The following MAK variants were observed in gnomAD, a reference collection of about 807,000 sequenced individuals.
MAK encodes the protein serine/threonine-protein kinase MAK.
In MAK, 65 loss-of-function variants were observed where a neutral mutation model predicts 82.6. The observed-to-expected ratio is 0.79, with a 90% confidence interval of 0.64 to 0.97. MAK has a LOEUF of 0.97. Among genes scored for constraint, MAK ranks in the 50% least tolerant of loss-of-function variants. The probability of loss-of-function intolerance (pLI) is 0.00; values close to 1 mark genes in which losing one functional copy is unlikely to be tolerated. For synonymous variants in MAK, 250 were observed against 274.2 expected (o/e 0.91, Z 0.87); for missense variants, 703 against 780.2 (o/e 0.90, Z 1.18).
intron 2 of MAK, among the ~76,000 whole-genome samples, chr6:10,819,388 T>G (rs780475516): frequency 6.6e-6 from 1 of 152,162 alleles, no homozygotes; most frequent in Non-Finnish European, 1.5e-5. Context: ...TCCCAGCACT[T>G]TGGGAGGTTG....
At chr6:10,771,019 G>T (rs915420349) in intron 13 of MAK, among the ~76,000 whole-genome samples, 1 of 152,118 alleles carries the variant, frequency 6.6e-6, no homozygotes, top group African/African-American at 2.4e-5. Flanking sequence ...GGGGTGCGTT[G>T]TCCATGAATA....
At chr6:10,810,146 A>G (rs1776812573) in intron 5 of MAK, among the ~76,000 whole-genome samples, 1 of 151,280 alleles carries the variant, frequency 6.6e-6, no homozygotes, top group Admixed American at 6.6e-5. Flanking sequence ...CCCAGGGGGA[A>G]AAGAACAAAC....
chr6:10,787,453 AGT>A (rs1774670681), intron 10 of MAK, among the ~76,000 whole-genome samples: 3 of 152,344 alleles, frequency 2.0e-5, no homozygotes, highest in East Asian at 3.9e-4. Context: ...AAAATTATAA[AGT>A]TTAGGCAGGA....
chr6:10,800,519 T>G lies in MAK; in HGVS notation c.831+1373A>C, dbSNP rs1385237977. On this transcript the variant is annotated intron_variant, in intron 8 of 14. Coordinates refer to ENST00000354489, the MANE Select transcript of MAK (RefSeq NM_001242957.3). This position sits in a 1 kb window ranked among gnomAD's most constrained non-coding sequence, Gnocchi z 4.2. ...TGCTTTCCTTTTGTTTCTAACAGTT[T>G]AGGGTGCTTTTTTTTTTACACTTTG... 6.6e-6 allele frequency among the ~76,000 whole-genome samples: 1 copy of G among 152,056 alleles called. No individual in the cohort carries two copies. The highest frequency in any genetic ancestry group is 1.5e-5 in the Non-Finnish European group (1 of 68,014).
chr6:10,805,716 ATGT>A (rs1449558196), intron 6 of MAK, among the ~76,000 whole-genome samples: 6 of 152,222 alleles, frequency 3.9e-5, no homozygotes, highest in East Asian at 1.9e-4. Context: ...CCTACTGATG[ATGT>A]TAAGTGAGAA....
intron 14 of MAK, among the ~76,000 whole-genome samples, chr6:10,766,020 T>C (rs934289308): frequency 5.9e-5 from 9 of 152,234 alleles, no homozygotes; most frequent in Admixed American, 5.2e-4. Context: ...TTTGATGCCT[T>C]CTTCAGTCCC....
At chr6:10,809,442 C>T (rs915210784) in intron 5 of MAK, among the ~76,000 whole-genome samples, 8 of 152,126 alleles carry the variant, frequency 5.3e-5, no homozygotes, top group African/African-American at 1.4e-4. Flanking sequence ...GCAATCCTCT[C>T]GGCCCACTAA....
At chr6:10,781,480 A>G (rs1033203896) in intron 11 of MAK, among the ~76,000 whole-genome samples, 1 of 149,270 alleles carries the variant, frequency 6.7e-6, no homozygotes, top group African/African-American at 2.5e-5. Flanking sequence ...CTGGAGTGCA[A>G]TGTCACAATC....
intron 5 of MAK, among the ~76,000 whole-genome samples, chr6:10,813,116 ATATATATATATATATATAAATTTTT>A (rs1777127043): frequency 0.013 from 62 of 4,940 alleles, no homozygotes; most frequent in Non-Finnish European, 0.018. Context: ...ATATATATAT[ATATATATATATATATATAAATTTTT>A]TTTTTTTTTT....
At chr6:10,818,744 T>C (rs1777691282) in intron 3 of MAK, 142 bp downstream of exon 3, 1 of 663,558 alleles carries the variant, frequency 1.5e-6, no homozygotes, top group Non-Finnish European at 2.7e-6. Flanking sequence ...CCAGAAGAAA[T>C]GAGAAATTAA....
At chr6:10,825,335 T>C (rs1778282809) in intron 2 of MAK, among the ~76,000 whole-genome samples, 2 of 152,196 alleles carry the variant, frequency 1.3e-5, no homozygotes, top group African/African-American at 4.8e-5. Flanking sequence ...TCTGCTTCTT[T>C]AGATCTTTCC....
chr6:10,820,181 G>C (rs1777827715), intron 2 of MAK, among the ~76,000 whole-genome samples: 1 of 152,110 alleles, frequency 6.6e-6, no homozygotes, highest in African/African-American at 2.4e-5. Flanking sequence ...GGAATTATAA[G>C]GCTGGGCTGT....
intron 8 of MAK, among the ~76,000 whole-genome samples, chr6:10,798,804 T>TTATG (rs1331390406): frequency 2.2e-5 from 1 of 45,034 alleles, no homozygotes; most frequent in Non-Finnish European, 4.8e-5. Context: ...GAAACATTAT[T>TTATG]TATTTATTTA....
chr6:10,820,908 TC>T lies in MAK; in HGVS notation c.102-1969del, dbSNP rs529162742. Among the ~76,000 whole-genome samples, 156 of 152,324 alleles carry T rather than the reference TC, an allele frequency of 1.0e-3. 3 individuals are homozygous for T. The South Asian group carries it at 0.032, about 31-fold the overall frequency. ...AAAGTTGATTAATAAAATGATCATA[TC>T]CATGTGAAACTGCACATATAATCTG... On this transcript the variant is annotated intron_variant, in intron 2 of 14. Coordinates refer to ENST00000354489, the MANE Select transcript of MAK (RefSeq NM_001242957.3).
In MAK at chr6:10,796,181, C is replaced by G. The variant is rs746612091; in HGVS notation, c.960G>C (p.Glu320Asp). ...LESKPSLVEV[E>D]PKPLPDIIDQ... ...CGATTATATCCGGCAGAGGCTTAGG[C>G]TCTACCTCAACTAAAGATGGCTTTG... Residue 320 changes from glutamate (E) to aspartate (D), a missense_variant, in exon 9 of 15, where the codon GAG (glutamate) becomes GAC (aspartate). Coordinates refer to ENST00000354489, the MANE Select transcript of MAK (RefSeq NM_001242957.3). The G allele has an allele frequency of 6.2e-7, 1 of 1,614,174 alleles. No homozygotes were observed. The highest frequency in any genetic ancestry group is 1.1e-5 in the South Asian group (1 of 91,084).
At chr6:10,818,696 A>T (rs114927772) in intron 3 of MAK, among the ~76,000 whole-genome samples, 190 bp downstream of exon 3, 1,915 of 152,112 alleles carry the variant, frequency 0.013, 14 homozygotes, top group Non-Finnish European at 0.02. Context: ...TTCAAATGTG[A>T]GGATATAATT....
intron 10 of MAK, among the ~76,000 whole-genome samples, chr6:10,786,052 C>G (rs1414605626): frequency 6.6e-6 from 1 of 152,176 alleles, no homozygotes; most frequent in Admixed American, 6.5e-5. Context: ...TGAGACCAGC[C>G]TGGCCAACAT....
chr6:10,784,599 A>T lies in MAK; in HGVS notation c.1317-27T>A, dbSNP rs1433351078. 4 of 1,613,320 alleles carry T rather than the reference A, an allele frequency of 2.5e-6. No homozygotes were observed. In the East Asian group the frequency reaches 8.9e-5, roughly 36 times the overall value. On this transcript the variant is annotated intron_variant, in intron 10 of 14. Transcript: ENST00000354489. ...TTGAAAGCCAATGAAAGGTAGCATT[A>T]CAGCACGAACAACGAGAGGATCTCG...
At position 10,763,213 on chromosome 6, in the gene MAK, G is replaced by A. The variant is rs766661857; in HGVS notation, c.*1239C>T. 5.9e-5 allele frequency: 9 copies of A among 152,656 alleles called. No homozygotes were observed. The highest frequency in any genetic ancestry group is 2.1e-4 in the South Asian group (1 of 4,838). The allele number at this position is 152,656 out of a possible 1,614,324, so 9.5% of individuals were successfully genotyped here. ...AACGCACTTGCTTCAGAGCAAATGT[G>A]AAGGTCAGAGCTGAGTCAGTGGTCA... On this transcript the variant is annotated 3_prime_UTR_variant, in exon 15 of 15. Coordinates refer to ENST00000354489, the MANE Select transcript of MAK (RefSeq NM_001242957.3).
Sources: gnomAD v4.1 joint callset for allele counts (sites outside exome capture counted in the v4.1 genomes callset) on GRCh38, gnomAD v4.1.1 for gene constraint, Gnocchi (gnomAD v3.1) non-coding constraint, MANE v1.5 for transcripts, NCBI Gene and HGNC (gene_info 2026-07-23, HGNC 2026-07-21) for gene names.